COL23A1: variants seen among roughly 807,000 people sequenced by gnomAD.
The protein encoded by COL23A1 is collagen alpha-1(XXIII) chain.
In COL23A1, 97 loss-of-function variants were observed where a neutral mutation model predicts 99.3. The ratio of observed to expected loss-of-function variants is 0.98; its 90% CI spans 0.83 to 1.16. The LOEUF is 1.16. Ranked by LOEUF, COL23A1 falls within the 50% of genes most tolerant of loss-of-function variation. The pLI is 0.00. For synonymous variants in COL23A1, 320 were observed against 308.2 expected (o/e 1.04, Z -0.40); for missense variants, 762 against 757.4 (o/e 1.01, Z -0.07).
intron 5 of COL23A1, among the ~76,000 whole-genome samples, chr5:178,271,596 T>C (rs766963231): frequency 1.3e-5 from 2 of 152,172 alleles, no homozygotes; most frequent in Non-Finnish European, 2.9e-5. Context: ...GCCTCTGGTA[T>C]TGGATGGGGC....
intron 2 of COL23A1, among the ~76,000 whole-genome samples, chr5:178,470,966 C>G (rs1756714635): frequency 6.6e-6 from 1 of 152,204 alleles, no homozygotes; most frequent in Admixed American, 6.5e-5. Context: ...GAAGATCCAA[C>G]CAGACCCTCT....
intron 2 of COL23A1, among the ~76,000 whole-genome samples, chr5:178,417,719 G>A (rs988455613): frequency 1.3e-5 from 2 of 152,184 alleles, no homozygotes; most frequent in African/African-American, 4.8e-5. Flanking sequence ...TCACCTTGCT[G>A]CCCGCTTCAT....
chr5:178,247,808 C>A lies in COL23A1; in HGVS notation c.1236G>T (p.Gly412=), dbSNP rs1436699167. The change falls in exon 21 of 29, where the codon GGG becomes GGT. Residue 412 remains glycine (G), a synonymous_variant. Transcript: ENST00000390654. ...ESLAQLIVEP[G]PPGPPGPPGP... is the part of the protein sequence containing the mutation. The stretch of plus-strand genomic sequence containing the variant: ...CTGGGGGGCCAGGGGGGCCAGGGGG[C>A]CCTGGCTCCACTATGAGCTGAGCCT... The A allele has an allele frequency of 6.2e-7, 1 of 1,613,160 alleles. No homozygotes were observed. The highest frequency in any genetic ancestry group is 1.7e-5 in the Admixed American group (1 of 59,912).
chr5:178,510,345 C>T (rs2127993865), intron 2 of COL23A1, among the ~76,000 whole-genome samples: 1 of 152,272 alleles, frequency 6.6e-6, no homozygotes, highest in East Asian at 1.9e-4. Flanking sequence ...AGTTCCGGAC[C>T]AGCCTGGCCA....
chr5:178,249,638 C>T (rs1464966744), intron 18 of COL23A1, among the ~76,000 whole-genome samples: 2 of 151,600 alleles, frequency 1.3e-5, no homozygotes, highest in South Asian at 2.1e-4. Context: ...GACTCACCCT[C>T]GAATAGCAAG....
At chr5:178,416,434 C>T (rs1012111164) in intron 2 of COL23A1, among the ~76,000 whole-genome samples, 3 of 152,126 alleles carry the variant, frequency 2.0e-5, no homozygotes, top group Admixed American at 6.5e-5. Context: ...GGGAAAACCC[C>T]GAGGGAGGCA....
At chr5:178,564,189 A>T (rs76197822) in intron 1 of COL23A1, among the ~76,000 whole-genome samples, 1,862 of 152,290 alleles carry the variant, frequency 0.012, 42 homozygotes, top group African/African-American at 0.042. Context: ...TGTTAATGCT[A>T]GCGGCGGGAT....
At chr5:178,514,767 A>G (rs899522060) in intron 2 of COL23A1, among the ~76,000 whole-genome samples, 4 of 152,244 alleles carry the variant, frequency 2.6e-5, no homozygotes, top group Non-Finnish European at 5.9e-5. Context: ...AAAATACCAC[A>G]TTCCAGGAAC....
chr5:178,273,763 G>T (rs1274160947), intron 5 of COL23A1, among the ~76,000 whole-genome samples: 2 of 152,260 alleles, frequency 1.3e-5, no homozygotes, highest in African/African-American at 4.8e-5. Flanking sequence ...TGGGGCAGTG[G>T]CTGACCTTGG....
chr5:178,465,092 TGG>T (rs1485962631), intron 2 of COL23A1, among the ~76,000 whole-genome samples: 2 of 152,174 alleles, frequency 1.3e-5, no homozygotes, highest in Non-Finnish European at 2.9e-5. Flanking sequence ...CCCAGCCAGG[TGG>T]GGCCAGGGGT....
At chr5:178,440,004 GGGCTGGGGGAA>G (rs778962239) in intron 2 of COL23A1, 1 of 152,224 alleles carries the variant, frequency 6.6e-6, no homozygotes, top group Non-Finnish European at 1.5e-5. Context: ...TGGTTGCCTG[GGGCTGGGGGAA>G]GGAACGGGGA....
chr5:178,347,701 T>C (rs1761056080), intron 2 of COL23A1, among the ~76,000 whole-genome samples: 1 of 151,194 alleles, frequency 6.6e-6, no homozygotes, highest in African/African-American at 2.4e-5. Flanking sequence ...GCCAACATGG[T>C]GAAACCCTGT....
chr5:178,570,589 C>A (rs1355453489), intron 1 of COL23A1, among the ~76,000 whole-genome samples: 1 of 152,152 alleles, frequency 6.6e-6, no homozygotes, highest in Non-Finnish European at 1.5e-5. Flanking sequence ...ACTAGATTTG[C>A]CATTCTGCCT....
At chr5:178,585,751 T>TGGCGCTGGGGTAACACTCCACAGCCC (rs1562115782) in intron 1 of COL23A1, among the ~76,000 whole-genome samples, 3 of 5,210 alleles carry the variant, frequency 5.8e-4, no homozygotes, top group Admixed American at 2.6e-3. Flanking sequence ...GCTGACCCTG[T>TGGCGCTGGGGTAACACTCCACAGCCC]TGGTTGCTCC....
At chr5:178,356,791 C>T (rs1479626073) in intron 2 of COL23A1, among the ~76,000 whole-genome samples, 2 of 152,122 alleles carry the variant, frequency 1.3e-5, no homozygotes, top group East Asian at 1.9e-4. Flanking sequence ...CGCCTGGCAC[C>T]GAGATTGGCT....
At chr5:178,518,145 T>G (rs1349458695) in intron 2 of COL23A1, among the ~76,000 whole-genome samples, 4 of 137,486 alleles carry the variant, frequency 2.9e-5, no homozygotes, top group Admixed American at 7.2e-5. Context: ...AAGCACATCT[T>G]GCACCGCCCT....
At chr5:178,263,623 G>A (rs1765756265) in intron 8 of COL23A1, among the ~76,000 whole-genome samples, 1 of 152,202 alleles carries the variant, frequency 6.6e-6, no homozygotes, top group African/African-American at 2.4e-5. Context: ...CGCTGCATGT[G>A]GGAGACAGCA....
chr5:178,358,293 T>C (rs1006169031), intron 2 of COL23A1, among the ~76,000 whole-genome samples: 1 of 139,496 alleles, frequency 7.2e-6, no homozygotes, highest in Non-Finnish European at 1.6e-5. Flanking sequence ...CGTGTGCGTA[T>C]ATGTATGTAT....
At position 178,301,887 on chromosome 5, in the gene COL23A1, C is replaced by T. The variant is rs553045632; in HGVS notation, c.406+4988G>A. 9.7e-4 allele frequency among the ~76,000 whole-genome samples: 140 copies of T among 144,324 alleles called. 1 individual carries two copies. The highest frequency in any genetic ancestry group is 3.5e-3 in the African/African-American group (135 of 38,506). The allele number at this position is 144,324 out of a possible 152,430, so 94.7% of individuals were successfully genotyped here. A position where few individuals can be genotyped will look rare whatever the true frequency, so the allele number is the denominator to read the frequency against. On this transcript the variant is annotated intron_variant, in intron 3 of 28. Transcript: ENST00000390654. The stretch of plus-strand genomic sequence containing the variant: ...GCACCTCGCACAGCACAGCTTCAAT[C>T]CACCTCTGTGTGCGCCGCAGCACAG...
Sources: allele counts gnomAD v4.1 joint callset (sites outside exome capture counted in the v4.1 genomes callset), GRCh38; gene constraint gnomAD v4.1.1; transcripts MANE v1.5; gene names NCBI Gene and HGNC (gene_info 2026-07-23, HGNC 2026-07-21).